The following DYNC1I1 variants were observed in gnomAD, a reference collection of about 807,000 sequenced individuals.
DYNC1I1 encodes the protein cytoplasmic dynein 1 intermediate chain 1.
Under a neutral mutation model 86.6 loss-of-function variants are expected in DYNC1I1, and 43 were observed. That is an observed-to-expected ratio of 0.50 (90% CI 0.39 to 0.64). The LOEUF (loss-of-function observed/expected upper bound fraction) is 0.64. DYNC1I1 is among the 30% of genes least tolerant of loss of function. The probability of loss-of-function intolerance (pLI) is 0.00; values close to 1 mark genes in which losing one functional copy is unlikely to be tolerated. For missense variants in DYNC1I1, 604 were observed against 788.8 expected (o/e 0.77, Z 2.81); for synonymous variants, 262 against 283.7 (o/e 0.92, Z 0.77).
At chr7:95,967,414 A>G (rs1480285825) in intron 6 of DYNC1I1, among the ~76,000 whole-genome samples, 1 of 152,124 alleles carries the variant, frequency 6.6e-6, no homozygotes, top group East Asian at 1.9e-4. Flanking sequence ...ATCAGAAAGT[A>G]TTGGAGGCCT....
At chr7:96,043,494 A>G (rs1031369271) in intron 14 of DYNC1I1, among the ~76,000 whole-genome samples, 3 of 151,942 alleles carry the variant, frequency 2.0e-5, no homozygotes, top group African/African-American at 7.3e-5. Flanking sequence ...CAACAAAACC[A>G]AAAATTTTTC....
chr7:96,043,281 G>T (rs79822781), intron 14 of DYNC1I1, among the ~76,000 whole-genome samples: 1,609 of 151,514 alleles, frequency 0.011, 31 homozygotes, highest in African/African-American at 0.037. Context: ...TGTAAAAATA[G>T]AAACAACCTT....
intron 10 of DYNC1I1, among the ~76,000 whole-genome samples, chr7:96,005,991 G>T (rs912058665): frequency 6.6e-6 from 1 of 152,122 alleles, no homozygotes; most frequent in Non-Finnish European, 1.5e-5. Flanking sequence ...TGCTTCTCTG[G>T]CAGCAAGGAC....
In DYNC1I1 at chr7:95,996,148, C is replaced by T. The variant is rs116104078; in HGVS notation, c.969+75C>T. ...ATAGTTTGTGCTGCATTGCATCTGT[C>T]TTATGCTGAGAGGAAGAACTCAGTT... is the stretch of plus-strand genomic sequence containing the variant. On this transcript the variant is annotated intron_variant, in intron 10 of 16. Transcript: ENST00000447467. 2.7e-3 allele frequency: 4,219 copies of T among 1,585,028 alleles called. 82 individuals carry two copies. In the African/African-American group the frequency reaches 0.051, roughly 19 times the overall value.
chr7:95,987,595 A>G (rs1793627724), intron 9 of DYNC1I1, among the ~76,000 whole-genome samples: 1 of 152,016 alleles, frequency 6.6e-6, no homozygotes, highest in African/African-American at 2.4e-5. Flanking sequence ...TCCTCTGACC[A>G]TCCTTGAGGT....
At chr7:96,081,373 T>C (rs1050168861) in intron 16 of DYNC1I1, among the ~76,000 whole-genome samples, 2 of 152,088 alleles carry the variant, frequency 1.3e-5, no homozygotes, top group African/African-American at 4.8e-5. Flanking sequence ...ACAAATCTCC[T>C]TGAATTTGCA....
chr7:96,022,356 T>A (rs544596609), intron 10 of DYNC1I1, among the ~76,000 whole-genome samples: 1 of 152,296 alleles, frequency 6.6e-6, no homozygotes, highest in African/African-American at 2.4e-5. Context: ...GGGTTTCTAA[T>A]CTATGGGAAA....
chr7:96,099,547 G>A (rs1367331153), downstream of DYNC1I1, among the ~76,000 whole-genome samples: 1 of 152,182 alleles, frequency 6.6e-6, no homozygotes, highest in African/African-American at 2.4e-5. Flanking sequence ...GGAAATCCAA[G>A]GTCAAGATGC....
intron 10 of DYNC1I1, among the ~76,000 whole-genome samples, chr7:96,003,109 C>T (rs929667144): frequency 6.6e-6 from 1 of 152,202 alleles, no homozygotes; most frequent in African/African-American, 2.4e-5. Flanking sequence ...TTCCAAAATG[C>T]TGGGATTACA....
intron 14 of DYNC1I1, among the ~76,000 whole-genome samples, chr7:96,046,193 G>A (rs2283010): frequency 0.26 from 40,022 of 152,008 alleles, 5,332 homozygotes; most frequent in East Asian, 0.32. Flanking sequence ...TGGCTGGAAG[G>A]TTGGGATCCA....
At position 95,899,767 on chromosome 7, in the gene DYNC1I1, A is replaced by G. The variant is rs1790986735; in HGVS notation, c.490+29769A>G. On this transcript the variant is annotated intron_variant, in intron 6 of 16. Transcript: ENST00000447467. ...GGATATTTAAAGCACGGAGGGGAAG[A>G]AAAATTACATCACTAGATTTTTTTC... is the stretch of plus-strand genomic sequence containing the variant. Among the ~76,000 whole-genome samples the G allele has an allele frequency of 2.0e-5, 3 of 152,204 alleles. No homozygotes were observed. In the South Asian group the frequency reaches 6.2e-4, roughly 31 times the overall value.
intron 10 of DYNC1I1, among the ~76,000 whole-genome samples, chr7:96,020,097 C>CAAA (rs10595929): frequency 1.6e-5 from 2 of 122,202 alleles, no homozygotes; most frequent in African/African-American, 5.7e-5. Context: ...AAAAGAAAGC[C>CAAA]AAAAAAAAAA....
chr7:95,922,108 GAC>G (rs1195056554), intron 6 of DYNC1I1, among the ~76,000 whole-genome samples: 4 of 152,110 alleles, frequency 2.6e-5, no homozygotes, highest in Non-Finnish European at 5.9e-5. Context: ...GAATTTCAAT[GAC>G]ACAAAATTAA....
At chr7:96,106,552 AG>A (rs1254621752) in intron 16 of DYNC1I1, among the ~76,000 whole-genome samples, 5 of 152,146 alleles carry the variant, frequency 3.3e-5, no homozygotes, top group African/African-American at 4.8e-5. Context: ...AAGAAAAAAA[AG>A]AGAGAGAGAA....
chr7:96,061,398 A>G (rs974239554), intron 14 of DYNC1I1, among the ~76,000 whole-genome samples: 1 of 152,136 alleles, frequency 6.6e-6, no homozygotes, highest in East Asian at 1.9e-4. Context: ...ATTACTTGAC[A>G]GTGTCTCTGG....
intron 6 of DYNC1I1, among the ~76,000 whole-genome samples, chr7:95,929,964 C>G (rs1047609914): frequency 1.3e-5 from 2 of 152,322 alleles, no homozygotes; most frequent in South Asian, 4.1e-4. Context: ...ATACTAACAT[C>G]TGGCTCTTAA....
chr7:96,053,184 T>A (rs1254350157), intron 14 of DYNC1I1, among the ~76,000 whole-genome samples: 1 of 152,184 alleles, frequency 6.6e-6, no homozygotes, highest in Non-Finnish European at 1.5e-5. Context: ...TACATCTAAG[T>A]TTTCAGACGA....
intron 15 of DYNC1I1, among the ~76,000 whole-genome samples, chr7:96,079,142 T>C (rs907146087): frequency 6.6e-6 from 1 of 152,152 alleles, no homozygotes; most frequent in African/African-American, 2.4e-5. Context: ...ATGGAGTTTT[T>C]ATTGCTATTT....
intron 16 of DYNC1I1, among the ~76,000 whole-genome samples, chr7:96,086,147 C>T (rs528181586): frequency 6.6e-6 from 1 of 152,086 alleles, no homozygotes; most frequent in Non-Finnish European, 1.5e-5. Flanking sequence ...TTATAGAAAG[C>T]CCACCGCCAT....
Sources: allele counts gnomAD v4.1 joint callset (sites outside exome capture counted in the v4.1 genomes callset), GRCh38; gene constraint gnomAD v4.1.1; transcripts MANE v1.5; gene names NCBI Gene and HGNC (gene_info 2026-07-23, HGNC 2026-07-21).